RIT2: variants seen among roughly 807,000 people sequenced by gnomAD.
RIT2 encodes the protein Ras like without CAAX 2, also known as GTP-binding protein Rit2.
A neutral mutation model predicts 23.7 loss-of-function variants in RIT2; 24 were observed. The observed-to-expected ratio is 1.01, with a 90% CI of 0.73 to 1.43. RIT2 has a LOEUF of 1.43. Among genes scored for constraint, RIT2 ranks in the 40% most tolerant of loss-of-function variants. The pLI, the probability that RIT2 is intolerant of heterozygous loss-of-function variation, is 0.00. For synonymous variants in RIT2, 107 were observed against 91.1 expected, an observed-to-expected ratio of 1.17 and a Z score of -0.99; for missense variants, 236 against 266.9, an observed-to-expected ratio of 0.88 and a Z score of 0.81.
intron 4 of RIT2, among the ~76,000 whole-genome samples, chr18:42,763,960 T>G (rs545589001): frequency 2.0e-5 from 3 of 152,202 alleles, no homozygotes; most frequent in Non-Finnish European, 4.4e-5. Context: ...CACTATAATC[T>G]TATGGGACCA....
At chr18:42,995,403 A>T (rs1910957518) in intron 2 of RIT2, among the ~76,000 whole-genome samples, 1 of 152,096 alleles carries the variant, frequency 6.6e-6, no homozygotes, top group Non-Finnish European at 1.5e-5. Context: ...CTTTCACTGC[A>T]TAGGTAGAGG....
At chr18:42,946,017 G>A (rs1334914265) in intron 3 of RIT2, among the ~76,000 whole-genome samples, 1 of 152,044 alleles carries the variant, frequency 6.6e-6, no homozygotes, top group Non-Finnish European at 1.5e-5. Context: ...GTCATACAAA[G>A]GCAAATTTTA....
intron 3 of RIT2, among the ~76,000 whole-genome samples, chr18:42,968,370 T>C (rs1199068130): frequency 6.6e-6 from 1 of 152,192 alleles, no homozygotes; most frequent in African/African-American, 2.4e-5. Context: ...CAACTAGGAA[T>C]GTCCTGGGAA....
intron 4 of RIT2, among the ~76,000 whole-genome samples, chr18:42,807,398 C>T (rs1243844380): frequency 3.3e-5 from 5 of 152,118 alleles, no homozygotes; most frequent in African/African-American, 1.2e-4. Context: ...AGGCGGATCA[C>T]CTGAGGTCAG....
chr18:43,018,150 C>T (rs917266892), intron 2 of RIT2, among the ~76,000 whole-genome samples: 40 of 151,966 alleles, frequency 2.6e-4, no homozygotes, highest in African/African-American at 9.4e-4. Flanking sequence ...TGTCTTATCC[C>T]TCTGACTCCC....
intron 2 of RIT2, among the ~76,000 whole-genome samples, chr18:42,974,883 G>C (rs941921955): frequency 6.6e-6 from 1 of 152,056 alleles, no homozygotes; most frequent in African/African-American, 2.4e-5. Context: ...GTAAAATGTT[G>C]CTGAGAGAAA....
intron 3 of RIT2, among the ~76,000 whole-genome samples, chr18:42,961,851 T>C (rs1393898078): frequency 2.0e-5 from 3 of 152,136 alleles, no homozygotes; most frequent in Non-Finnish European, 2.9e-5. Context: ...CCTCCCAAAG[T>C]GGTATTCTCT....
chr18:43,110,837 A>C (rs1051862077), intron 1 of RIT2, among the ~76,000 whole-genome samples: 1 of 152,138 alleles, frequency 6.6e-6, no homozygotes, highest in African/African-American at 2.4e-5. Context: ...CATGAGTCTT[A>C]TTTTTAAAAT....
chr18:43,104,884 T>A (rs9964477), intron 1 of RIT2, among the ~76,000 whole-genome samples: 22,094 of 152,136 alleles, frequency 0.15, 1,808 homozygotes, highest in Non-Finnish European at 0.18. Flanking sequence ...TATGACTCTT[T>A]CCCTTTAAAT....
At chr18:43,008,919 T>C (rs956516994) in intron 2 of RIT2, among the ~76,000 whole-genome samples, 2 of 151,590 alleles carry the variant, frequency 1.3e-5, no homozygotes, top group African/African-American at 4.8e-5. Flanking sequence ...GTTTCCTAAT[T>C]GGTTAAAAAT....
chr18:42,852,003 C>G (rs1907066956), intron 4 of RIT2, among the ~76,000 whole-genome samples: 1 of 152,110 alleles, frequency 6.6e-6, no homozygotes, highest in South Asian at 2.1e-4. Flanking sequence ...TGATTTTTGT[C>G]TGCTTCCAGA....
chr18:42,988,309 G>A (rs549748470), intron 2 of RIT2, among the ~76,000 whole-genome samples: 28 of 151,986 alleles, frequency 1.8e-4, no homozygotes, highest in Non-Finnish European at 3.2e-4. Flanking sequence ...TATTTTTACG[G>A]TAACACTATA....
At chr18:42,764,786 T>C (rs1913382542) in intron 4 of RIT2, among the ~76,000 whole-genome samples, 1 of 152,238 alleles carries the variant, frequency 6.6e-6, no homozygotes, top group Admixed American at 6.5e-5. Context: ...GCTAACCTTA[T>C]TTCACTAAGC....
At chr18:42,775,558 G>T (rs1220615601) in intron 4 of RIT2, among the ~76,000 whole-genome samples, 1 of 152,014 alleles carries the variant, frequency 6.6e-6, no homozygotes, top group East Asian at 1.9e-4. Context: ...TTAGCCGGTC[G>T]TGGTGGCGGG....
intron 1 of RIT2, among the ~76,000 whole-genome samples, chr18:43,092,164 G>A (rs534248117): frequency 1.3e-5 from 2 of 152,128 alleles, no homozygotes; most frequent in African/African-American, 4.8e-5. Flanking sequence ...TCCAGAGAGT[G>A]ATTCTTTAGA....
At chr18:42,881,360 T>A (rs1248381172) in intron 4 of RIT2, among the ~76,000 whole-genome samples, 2 of 152,212 alleles carry the variant, frequency 1.3e-5, no homozygotes, top group Non-Finnish European at 2.9e-5. Flanking sequence ...TAGATTCAAA[T>A]TTTTACCCCT....
chr18:43,101,619 C>T (rs78772916), intron 1 of RIT2, among the ~76,000 whole-genome samples: 2 of 152,146 alleles, frequency 1.3e-5, no homozygotes, highest in Non-Finnish European at 2.9e-5. Flanking sequence ...ATGCCTGTCC[C>T]TCTTCAAAGT....
intron 2 of RIT2, among the ~76,000 whole-genome samples, chr18:42,974,931 T>C (rs962381827): frequency 1.2e-4 from 18 of 152,048 alleles, no homozygotes; most frequent in African/African-American, 4.1e-4. Context: ...CATTTGACAT[T>C]TATGGACTGA....
chr18:42,948,151 A>G (rs895495538), intron 3 of RIT2, among the ~76,000 whole-genome samples: 1 of 152,138 alleles, frequency 6.6e-6, no homozygotes, highest in Non-Finnish European at 1.5e-5. Flanking sequence ...ATTACATTTA[A>G]TCTTATGCAG....
Sources: gnomAD v4.1 joint callset for allele counts (sites outside exome capture counted in the v4.1 genomes callset) on GRCh38, gnomAD v4.1.1 for gene constraint, MANE v1.5 for transcripts, NCBI Gene and HGNC (gene_info 2026-07-23, HGNC 2026-07-21) for gene names.